RNF152: variants seen among roughly 807,000 people sequenced by gnomAD.
The protein encoded by RNF152 is E3 ubiquitin-protein ligase RNF152.
A neutral mutation model predicts 12.7 loss-of-function variants in RNF152; 11 were observed. The observed-to-expected ratio is 0.86, with a 90% CI of 0.54 to 1.43. The LOEUF (loss-of-function observed/expected upper bound fraction) is 1.43, where lower values mean the gene tolerates loss of function less well. Ranked by LOEUF, RNF152 falls within the 40% of genes most tolerant of loss-of-function variation. The pLI is 0.00. For synonymous variants in RNF152, 113 were observed against 120.3 expected, an observed-to-expected ratio of 0.94 and a Z score of 0.40; for missense variants, 255 against 274.8, an observed-to-expected ratio of 0.93 and a Z score of 0.51.
In RNF152 at chr18:61,859,462, A is replaced by G. The variant is rs544588976; in HGVS notation, c.-136+33333T>C. Among the ~76,000 whole-genome samples the G allele has an allele frequency of 2.6e-5, 4 of 152,340 alleles. No individual in the cohort carries two copies. The South Asian group carries it at 8.3e-4, about 32-fold the overall frequency. On this transcript the variant is annotated intron_variant, in intron 1 of 1. Transcript: ENST00000312828. ...CGGAGAGTCAGGGAGCTGCATTCCC[A>G]TGCAGAGCAGGAGATGCTGCCCTTG...
intron 1 of RNF152, among the ~76,000 whole-genome samples, chr18:61,854,883 T>A (rs1911149800): frequency 6.6e-6 from 1 of 152,174 alleles, no homozygotes. Context: ...CAATGTCACA[T>A]CAAAATGCAA....
chr18:61,866,100 ACCTCCAAGGGAATTTGGAGGGCTGAGTGG>A (rs1911713491), intron 1 of RNF152, among the ~76,000 whole-genome samples: 1 of 151,772 alleles, frequency 6.6e-6, no homozygotes, highest in African/African-American at 2.4e-5. Flanking sequence ...ATATACTCCC[ACCTCCAAGGGAATTTGGAGGGCTGAGTGG>A]CACAGGGCCC....
In RNF152 at chr18:61,816,121, C is replaced by T. The variant is rs771711019; in HGVS notation, c.343G>A (p.Gly115Arg). The T allele has an allele frequency of 1.9e-5, 30 of 1,614,042 alleles. No homozygotes were observed. The highest frequency in any genetic ancestry group is 6.7e-5 in the Admixed American group (4 of 59,990). The change falls in exon 2 of 2, where the codon GGA becomes AGA. Residue 115 changes from glycine to arginine, a missense_variant. Transcript: ENST00000312828. Reference protein sequence around the residue: ...PISKERALLPGDMGCRLLPGS... With the variant: ...PISKERALLPRDMGCRLLPGS... Reference sequence around the variant, plus strand: ...GGCAGCAGGCGGCAGCCCATGTCTCCGGGCAGCAGCGCACGCTCCTTGGAG... The same window carrying T: ...GGCAGCAGGCGGCAGCCCATGTCTCTGGGCAGCAGCGCACGCTCCTTGGAG...
chr18:61,854,863 G>A (rs757451957), intron 1 of RNF152, among the ~76,000 whole-genome samples: 1 of 152,060 alleles, frequency 6.6e-6, no homozygotes. Flanking sequence ...AATAGCAGGC[G>A]GAAAAAAATC....
At chr18:61,881,639 AATTG>A (rs1297252550) in intron 1 of RNF152, among the ~76,000 whole-genome samples, 3 of 152,214 alleles carry the variant, frequency 2.0e-5, no homozygotes, top group Non-Finnish European at 4.4e-5. Context: ...TAGAATCCAA[AATTG>A]ATTATCACTG....
chr18:61,827,640 T>C (rs1442860239), intron 1 of RNF152, among the ~76,000 whole-genome samples: 1 of 152,226 alleles, frequency 6.6e-6, no homozygotes, highest in East Asian at 1.9e-4. Flanking sequence ...TTCATAACAT[T>C]ATTTTCTTTG....
At position 61,890,069 on chromosome 18, in the gene RNF152, A is replaced by G. The variant is rs182803602; in HGVS notation, c.-136+2726T>C. ...AATACCATATCAACATATTAGTAGT[A>G]CATTACAGGTGGGGGTAGGACCATA... is the stretch of plus-strand genomic sequence containing the variant. On this transcript the variant is annotated intron_variant, in intron 1 of 1. Coordinates refer to ENST00000312828, the MANE Select transcript of RNF152 (RefSeq NM_173557.3). Among the ~76,000 whole-genome samples, 3 of 152,354 alleles carry G rather than the reference A, an allele frequency of 2.0e-5. No individual in the cohort carries two copies. The East Asian group carries it at 5.8e-4, about 29-fold the overall frequency.
chr18:61,870,198 G>C (rs1911927742), intron 1 of RNF152, among the ~76,000 whole-genome samples: 1 of 152,154 alleles, frequency 6.6e-6, no homozygotes, highest in South Asian at 2.1e-4. Context: ...GTGTCGGGAT[G>C]GGGGTGTGGA....
chr18:61,862,563 A>G (rs2144719284), intron 1 of RNF152, among the ~76,000 whole-genome samples: 1 of 152,326 alleles, frequency 6.6e-6, no homozygotes, highest in South Asian at 2.1e-4. Flanking sequence ...ACCCAAGCGG[A>G]CAGGGTTCAA....
intron 1 of RNF152, among the ~76,000 whole-genome samples, chr18:61,850,969 C>A (rs929542863): frequency 9.9e-5 from 15 of 151,968 alleles, no homozygotes; most frequent in African/African-American, 3.4e-4. Context: ...ACATGATTGG[C>A]TGTGTAGCCA....
intron 1 of RNF152, among the ~76,000 whole-genome samples, chr18:61,886,602 G>A (rs1912709965): frequency 6.6e-6 from 1 of 152,184 alleles, no homozygotes; most frequent in Non-Finnish European, 1.5e-5. Flanking sequence ...AAGGAACTGT[G>A]CCCCCAACCC....
At chr18:61,829,426 GA>G (rs2144644518) in intron 1 of RNF152, among the ~76,000 whole-genome samples, 1 of 152,196 alleles carries the variant, frequency 6.6e-6, no homozygotes, top group East Asian at 1.9e-4. Flanking sequence ...CTGCAGCTGG[GA>G]TGGGCCAGGT....
intron 1 of RNF152, among the ~76,000 whole-genome samples, chr18:61,824,891 C>T (rs1311865013): frequency 1.3e-5 from 2 of 152,174 alleles, no homozygotes; most frequent in African/African-American, 4.8e-5. Context: ...AAAAGACTGT[C>T]AGGAGATCCC....
In RNF152 at chr18:61,815,765, T is replaced by C. The variant is rs918927091; in HGVS notation, c.*87A>G. ...AGCGCTCAGCACCAAATGGTCAGTG[T>C]TGCCCCCCATCTTCTCACTGGGATC... On this transcript the variant is annotated 3_prime_UTR_variant, in exon 2 of 2. Transcript: ENST00000312828. The C allele has an allele frequency of 1.6e-5, 24 of 1,468,162 alleles. No homozygotes were observed. Among genetic ancestry groups the C allele is most frequent in the South Asian group, 1.4e-4 (11 of 79,012 alleles). The allele number at this position is 1,468,162 out of a possible 1,614,324, so 90.9% of individuals were successfully genotyped here.
chr18:61,832,968 C>T (rs764706901), intron 1 of RNF152, among the ~76,000 whole-genome samples: 1 of 152,174 alleles, frequency 6.6e-6, no homozygotes, highest in Non-Finnish European at 1.5e-5. Flanking sequence ...AAATCTGTAT[C>T]TGCTTAATTC....
intron 1 of RNF152, among the ~76,000 whole-genome samples, chr18:61,873,024 T>A (rs1856941370): frequency 6.6e-6 from 1 of 152,220 alleles, no homozygotes; most frequent in South Asian, 2.1e-4. Context: ...TTTAATGGAC[T>A]ACAACATATG....
Position 61,816,157 on chromosome 18 carries a change from G to T in RNF152, c.307C>A (p.Pro103Thr). 1 of 1,614,234 alleles carries T rather than the reference G, an allele frequency of 6.2e-7. No individual in the cohort carries two copies. The highest frequency in any genetic ancestry group is 8.5e-7 in the Non-Finnish European group (1 of 1,180,036). The change falls in exon 2 of 2, where the codon CCC (proline) becomes ACC (threonine). Residue 103 changes from proline (P) to threonine (T), a missense_variant. Pro to Thr is a conservative substitution (Grantham distance 38). Transcript: ENST00000312828. ...KLPSNGCYML[P>T]LPISKERALL... ...GCACGCTCCTTGGAGATGGGCAGGG[G>T]CAGCATGTAGCACCCATTGCTGGGA...
intron 1 of RNF152, among the ~76,000 whole-genome samples, chr18:61,854,219 A>G (rs1320433627): frequency 6.6e-6 from 1 of 152,240 alleles, no homozygotes; most frequent in African/African-American, 2.4e-5. Flanking sequence ...AATGCACAGC[A>G]AATGGAAACT....
chr18:61,838,612 T>G (rs1910295473), intron 1 of RNF152, among the ~76,000 whole-genome samples: 1 of 152,128 alleles, frequency 6.6e-6, no homozygotes, highest in South Asian at 2.1e-4. Context: ...TCCCAAAGCA[T>G]CTATAGATAG....
Sources: gnomAD v4.1 joint callset for allele counts (sites outside exome capture counted in the v4.1 genomes callset) on GRCh38, gnomAD v4.1.1 for gene constraint, MANE v1.5 for transcripts, NCBI Gene and HGNC (gene_info 2026-07-23, HGNC 2026-07-21) for gene names.